Variants in CFAP43 observed in about 807,000 individuals in gnomAD.
CFAP43 encodes the protein cilia and flagella associated protein 43.
Under a neutral mutation model 218.9 loss-of-function variants are expected in CFAP43, and 155 were observed. That is an observed-to-expected ratio of 0.71 (90% CI 0.62 to 0.81). The LOEUF (loss-of-function observed/expected upper bound fraction) is 0.81. Among genes scored for constraint, CFAP43 ranks in the 30% least tolerant of loss-of-function variants. The probability of loss-of-function intolerance (pLI) is 0.00; values close to 1 mark genes in which losing one functional copy is unlikely to be tolerated. For synonymous variants in CFAP43, 645 were observed against 681.3 expected, an observed-to-expected ratio of 0.95 and a Z score of 0.83; for missense variants, 1,778 against 1,954.3, an observed-to-expected ratio of 0.91 and a Z score of 1.70.
At chr10:104,194,164 T>C in intron 10 of CFAP43, 150 bp from the exon 11 acceptor site, 1 of 752,314 alleles carries the variant, frequency 1.3e-6, no homozygotes, top group Non-Finnish European at 2.1e-6. Context: ...ACCCTCAACG[T>C]TCCTGAGCTG....
At chr10:104,205,610 A>G (rs898873408) in intron 7 of CFAP43, among the ~76,000 whole-genome samples, 2 of 152,214 alleles carry the variant, frequency 1.3e-5, no homozygotes, top group Non-Finnish European at 2.9e-5. Flanking sequence ...AGCTTAGACA[A>G]AGGATTCCAA....
intron 10 of CFAP43, among the ~76,000 whole-genome samples, chr10:104,194,487 A>C (rs2090329796): frequency 6.6e-6 from 1 of 152,170 alleles, no homozygotes; most frequent in Non-Finnish European, 1.5e-5. Context: ...CTACTGTGTC[A>C]GCCTGCCGAG....
At chr10:104,184,778 T>TC (rs527904444) in intron 16 of CFAP43, among the ~76,000 whole-genome samples, 60 of 152,218 alleles carry the variant, frequency 3.9e-4, no homozygotes, top group African/African-American at 1.4e-3. Flanking sequence ...AAAACCATAC[T>TC]AGAGGATCTC....
chr10:104,171,514 C>A (rs1053024566), intron 20 of CFAP43, among the ~76,000 whole-genome samples: 1 of 152,222 alleles, frequency 6.6e-6, no homozygotes, highest in Admixed American at 6.5e-5. Context: ...GTCAAATAAT[C>A]AACCTCCTCT....
intron 12 of CFAP43, among the ~76,000 whole-genome samples, chr10:104,188,662 C>T (rs894072223): frequency 6.6e-6 from 1 of 152,148 alleles, no homozygotes; most frequent in Non-Finnish European, 1.5e-5. Context: ...GGTTTCCTTC[C>T]CAGCCAGGGT....
intron 6 of CFAP43, among the ~76,000 whole-genome samples, chr10:104,207,105 G>A (rs1469832767): frequency 5.9e-5 from 9 of 152,010 alleles, no homozygotes; most frequent in East Asian, 1.9e-4. Context: ...CCCAGGAGGC[G>A]GAGGTTGCAG....
At chr10:104,197,625 A>C (rs960097993) in intron 9 of CFAP43, among the ~76,000 whole-genome samples, 8 of 152,232 alleles carry the variant, frequency 5.3e-5, no homozygotes, top group Admixed American at 4.6e-4. Flanking sequence ...CCTGGCTTGC[A>C]GAGCTTGGGT....
At chr10:104,166,434 G>A in intron 23 of CFAP43, 54 bp downstream of exon 23, 1 of 1,338,888 alleles carries the variant, frequency 7.5e-7, no homozygotes, top group African/African-American at 1.5e-5. Context: ...GGCCTTGAAA[G>A]CCACCTAATG....
rs906104112 is a variant in CFAP43 at position 104,162,174 on chromosome 10, G to A, written c.3334-133C>T. The A allele has an allele frequency of 9.8e-6, 12 of 1,229,830 alleles. No individual in the cohort carries two copies. In the African/African-American group the frequency reaches 1.6e-4, roughly 17 times the overall value. The allele number at this position is 1,229,830 out of a possible 1,614,324, so 76.2% of individuals were successfully genotyped here. A position where few individuals can be genotyped will look rare whatever the true frequency, so the allele number is the denominator to read the frequency against. On this transcript the variant is annotated intron_variant, in intron 25 of 37. Transcript: ENST00000357060. Reference sequence around the variant, plus strand: ...TGGGGAAGGTAGGTAGTGCCTGGAGGAGAGAAGGGGAAAGGAGGCCAACTG... The same window carrying A: ...TGGGGAAGGTAGGTAGTGCCTGGAGAAGAGAAGGGGAAAGGAGGCCAACTG...
At chr10:104,190,135 CAAAAAAAAAAAAA>C (rs59257656) in intron 12 of CFAP43, among the ~76,000 whole-genome samples, 1 of 50,786 alleles carries the variant, frequency 2.0e-5, no homozygotes, top group South Asian at 8.4e-4. Flanking sequence ...GACTCCATCT[CAAAAAAAAAAAAA>C]AAAAAAAAAA....
intron 2 of CFAP43, among the ~76,000 whole-genome samples, chr10:104,229,455 C>G (rs904271501): frequency 1.3e-5 from 2 of 150,604 alleles, no homozygotes; most frequent in Admixed American, 1.3e-4. Flanking sequence ...GAGTTCGAGA[C>G]CAGCCTGGCC....
chr10:104,133,212 TA>T (rs1171852538), intron 35 of CFAP43, among the ~76,000 whole-genome samples: 2 of 152,028 alleles, frequency 1.3e-5, no homozygotes, highest in African/African-American at 4.8e-5. Context: ...CAAACATAGC[TA>T]AGGGCAAAAT....
At position 104,225,481 on chromosome 10, in the gene CFAP43, T is replaced by C. The variant is rs1466986002; in HGVS notation, c.396A>G (p.Pro132=). 3.7e-6 allele frequency: 6 copies of C among 1,612,138 alleles called. No homozygotes were observed. In the African/African-American group the frequency reaches 8.0e-5, roughly 22 times the overall value. ...GTYLASYSSL[P]EFELALWNWE... is the part of the protein sequence containing the mutation. The stretch of plus-strand genomic sequence containing the variant: ...CTTACCAAAGGGCCAGTTCAAATTC[T>C]GGGAGAGAGGAGTAACTAGCCAGGT... Residue 132 remains proline (P), a synonymous_variant, in exon 3 of 38, where the codon CCA becomes CCG. Transcript: ENST00000357060.
intron 28 of CFAP43, among the ~76,000 whole-genome samples, chr10:104,150,079 A>G (rs2088175686): frequency 6.6e-6 from 1 of 152,130 alleles, no homozygotes; most frequent in South Asian, 2.1e-4. Context: ...TTGACTTAGC[A>G]TGTTTTCAAG....
intron 3 of CFAP43, among the ~76,000 whole-genome samples, chr10:104,221,332 C>A (rs1233547176): frequency 2.0e-5 from 3 of 152,096 alleles, no homozygotes; most frequent in African/African-American, 7.2e-5. Flanking sequence ...GTGCTGCCTC[C>A]CCCCACCAAA....
At chr10:104,221,223 C>T (rs954326240) in intron 3 of CFAP43, among the ~76,000 whole-genome samples, 1 of 152,170 alleles carries the variant, frequency 6.6e-6, no homozygotes, top group Non-Finnish European at 1.5e-5. Context: ...GATCCGCCCA[C>T]CTTGGCCTCC....
chr10:104,228,858 T>A (rs1219804361), intron 2 of CFAP43, among the ~76,000 whole-genome samples: 5 of 152,224 alleles, frequency 3.3e-5, no homozygotes. Flanking sequence ...AGCTATATTT[T>A]TTTCAGTTTT....
At chr10:104,191,788 G>T (rs925767185) in intron 12 of CFAP43, among the ~76,000 whole-genome samples, 10 of 88,894 alleles carry the variant, frequency 1.1e-4, no homozygotes, top group Admixed American at 3.4e-4. Flanking sequence ...AATTGTGTGT[G>T]TGGGGGGGGG....
At chr10:104,153,559 A>T (rs2088382045) in intron 27 of CFAP43, among the ~76,000 whole-genome samples, 1 of 152,238 alleles carries the variant, frequency 6.6e-6, no homozygotes, top group African/African-American at 2.4e-5. Context: ...CAAAAATTAA[A>T]ATTAAAACAT....
Sources: allele counts gnomAD v4.1 joint callset (sites outside exome capture counted in the v4.1 genomes callset), GRCh38; gene constraint gnomAD v4.1.1; transcripts MANE v1.5; gene names NCBI Gene and HGNC (gene_info 2026-07-23, HGNC 2026-07-21).